Variants in DNAH1 observed in about 807,000 individuals in gnomAD.
DNAH1 encodes dynein axonemal heavy chain 1, also known as axonemal beta dynein heavy chain 1.
Under a neutral mutation model 484.3 loss-of-function variants are expected in DNAH1, and 327 were observed. The observed-to-expected ratio is 0.68, with a 90% CI of 0.62 to 0.74. The LOEUF is 0.74. DNAH1 is among the 30% of genes least tolerant of loss of function. DNAH1 has a pLI of 0.00. For missense variants in DNAH1, 5,052 were observed against 5,546.8 expected (o/e 0.91, Z 2.83); for synonymous variants, 2,192 against 2,191.9 (o/e 1.00, Z 0.00).
chr3:52,366,652 A>G, intron 35 of DNAH1, 81 bp from the exon 36 acceptor site: 1 of 1,551,810 alleles, frequency 6.4e-7, no homozygotes, highest in Non-Finnish European at 8.8e-7. Flanking sequence ...GGCATAGAAT[A>G]CCCCTCCCCC....
rs773665175 is a variant in DNAH1 at position 52,350,631 on chromosome 3, G to A, written c.2729+41G>A. On this transcript the variant is annotated intron_variant, in intron 16 of 77. Coordinates refer to ENST00000420323, the MANE Select transcript of DNAH1 (RefSeq NM_015512.5). ...GCCCCCATGCCAGGTGCGGGGTGGA[G>A]CATGAGGGGAGCTGCTGAGCTGCAG... 3.8e-6 allele frequency: 6 copies of A among 1,584,150 alleles called. No homozygotes were observed. In the African/African-American group the frequency reaches 8.1e-5, roughly 21 times the overall value.
At position 52,394,503 on chromosome 3, in the gene DNAH1, G is replaced by A. The variant is rs762880925; in HGVS notation, c.10665G>A (p.Ser3555=). 22 of 1,613,896 alleles carry A rather than the reference G, an allele frequency of 1.4e-5. No homozygotes were observed. The African/African-American group carries it at 2.4e-4, about 18-fold the overall frequency. The change falls in exon 67 of 78, where the codon TCG becomes TCA. Residue 3555 remains serine (S), a synonymous_variant. Coordinates refer to ENST00000420323, the MANE Select transcript of DNAH1 (RefSeq NM_015512.5). ...WRYLLSGGSI[S]IMTENPAPDW... ...ACCTCCTGTCTGGGGGCTCCATCTC[G>A]ATCATGACTGAGAATCCGGCACCGG...
At chr3:52,341,190 G>A (rs1304208285) in intron 8 of DNAH1, among the ~76,000 whole-genome samples, 3 of 152,164 alleles carry the variant, frequency 2.0e-5, no homozygotes, top group Non-Finnish European at 4.4e-5. Context: ...AATGCAGGAC[G>A]CCCCAGGGTT....
In DNAH1 at chr3:52,358,878, C is replaced by T. The variant is rs1355285067; in HGVS notation, c.4266+141C>T. The stretch of plus-strand genomic sequence containing the variant: ...GCTCAGGCGGGATTCTGGAGTCTTT[C>T]CTTTCCACACACACTCCAGAAAGTG... On this transcript the variant is annotated intron_variant, in intron 25 of 77. Transcript: ENST00000420323. This position sits in a 1 kb window ranked among gnomAD's most constrained non-coding sequence, Gnocchi z 4.2. 3 of 968,406 alleles carry T rather than the reference C, an allele frequency of 3.1e-6. No individual in the cohort carries two copies. The highest frequency in any genetic ancestry group is 4.5e-6 in the Non-Finnish European group (3 of 659,546). The allele number at this position is 968,406 out of a possible 1,614,324, so 60.0% of individuals were successfully genotyped here.
At chr3:52,359,649 C>T (rs532967761) in intron 26 of DNAH1, among the ~76,000 whole-genome samples, 1 of 152,338 alleles carries the variant, frequency 6.6e-6, no homozygotes, top group Non-Finnish European at 1.5e-5. Context: ...CACCCCTTGC[C>T]CTGTGCTCCA....
chr3:52,320,795 CTTT>C (rs1701117837), intron 1 of DNAH1, among the ~76,000 whole-genome samples: 1 of 142,048 alleles, frequency 7.0e-6, no homozygotes, highest in Admixed American at 7.0e-5. Context: ...TTCTTTCTTT[CTTT>C]CCTTTTTTTT....
chr3:52,385,405 G>A lies in DNAH1; in HGVS notation c.8583G>A (p.Glu2861=), dbSNP rs1377365805. The A allele has an allele frequency of 2.6e-6, 4 of 1,552,670 alleles. No individual in the cohort carries two copies. Among genetic ancestry groups the A allele is most frequent in the East Asian group, 2.4e-5 (1 of 40,960 alleles). The change falls in exon 54 of 78, where the codon GAG becomes GAA. Residue 2861 remains glutamate (E), a synonymous_variant. Transcript: ENST00000420323. ...EDLESMHPLL[E]EAAKDTMLTM... ...TGGAGAGTATGCACCCCCTGCTGGA[G>A]GAGGCTGCCAAGGACACCATGCTCA...
chr3:52,386,075 C>A, intron 54 of DNAH1, 85 bp from the exon 55 acceptor site: 1 of 1,436,186 alleles, frequency 7.0e-7, no homozygotes, highest in Non-Finnish European at 9.3e-7. Flanking sequence ...GAGAACAGGG[C>A]ACCCCAACTC....
In DNAH1 at chr3:52,381,864, G is replaced by A; in HGVS notation, c.7805+28G>A. The A allele has an allele frequency of 6.4e-7, 1 of 1,551,452 alleles. No homozygotes were observed. Among genetic ancestry groups the A allele is most frequent in the Non-Finnish European group, 8.7e-7 (1 of 1,146,864 alleles). On this transcript the variant is annotated intron_variant, in intron 49 of 77. Coordinates refer to ENST00000420323, the MANE Select transcript of DNAH1 (RefSeq NM_015512.5). This position sits in a 1 kb window ranked among gnomAD's most constrained non-coding sequence, Gnocchi z 4.1. The stretch of plus-strand genomic sequence containing the variant: ...GAGCGCCTCCAGGGCGTGCTGGGCA[G>A]TGGGCGGCCAGGGCTGGCTGGTCGG...
chr3:52,324,070 G>A (rs1202391610), intron 3 of DNAH1, among the ~76,000 whole-genome samples, 190 bp downstream of exon 3: 2 of 152,156 alleles, frequency 1.3e-5, no homozygotes, highest in Non-Finnish European at 2.9e-5. Context: ...CAGCTACCGA[G>A]TCATTACTCT....
Position 52,396,788 on chromosome 3 carries a change from C to G in DNAH1, c.11601C>G (p.Ile3867Met). Residue 3867 changes from isoleucine (I) to methionine (M), a missense_variant, in exon 72 of 78, where the codon ATC becomes ATG. Physicochemically the swap from Ile to Met is conservative, Grantham distance 10. This residue lies in a region of DNAH1 where 853 missense variants were observed against 899.0 expected (regional missense o/e 0.95). Coordinates refer to ENST00000420323, the MANE Select transcript of DNAH1 (RefSeq NM_015512.5). The part of the protein sequence containing the change: ...LKMFLDEYDD[I>M]PYKVLKYTAG... Reference sequence around the variant, plus strand: ...TGTTCCTGGACGAATATGATGACATCCCCTACAAGGTGGGCCTGGGGCAGA... The same window carrying G: ...TGTTCCTGGACGAATATGATGACATGCCCTACAAGGTGGGCCTGGGGCAGA... 6.2e-7 allele frequency: 1 copy of G among 1,613,480 alleles called. No homozygotes were observed. Among genetic ancestry groups the G allele is most frequent in the South Asian group, 1.1e-5 (1 of 91,054 alleles).
chr3:52,366,960 C>T, intron 36 of DNAH1, 73 bp downstream of exon 36: 1 of 1,525,010 alleles, frequency 6.6e-7, no homozygotes, highest in Non-Finnish European at 8.9e-7. Context: ...GCGGTCACCC[C>T]TCCCTCCATT....
intron 6 of DNAH1, among the ~76,000 whole-genome samples, chr3:52,330,493 GTGCAGAGGCTC>G (rs1559493286): frequency 6.6e-6 from 1 of 152,274 alleles, no homozygotes; most frequent in African/African-American, 2.4e-5. Context: ...GGCACAGGCA[GTGCAGAGGCTC>G]TGCCGTGGGA....
chr3:52,394,984 G>A lies in DNAH1; in HGVS notation c.10893G>A (p.Leu3631=). 6.2e-7 allele frequency: 1 copy of A among 1,612,846 alleles called. No homozygotes were observed. Among genetic ancestry groups the A allele is most frequent in the African/African-American group, 1.3e-5 (1 of 75,038 alleles). The change falls in exon 68 of 78, where the codon CTG becomes CTA. Residue 3631 remains leucine, a synonymous_variant. Coordinates refer to ENST00000420323, the MANE Select transcript of DNAH1 (RefSeq NM_015512.5). ...QFQKLLVLRC[L]RGDKVTNAMQ... is the part of the protein sequence containing the mutation. ...AGAAGCTGCTAGTCCTCCGCTGCCTGCGTGGGGACAAGGTTACCAACGCCA... is the reference window on the plus strand; with the variant it reads ...AGAAGCTGCTAGTCCTCCGCTGCCTACGTGGGGACAAGGTTACCAACGCCA...
chr3:52,336,424 C>T (rs1357671929), intron 8 of DNAH1, among the ~76,000 whole-genome samples: 2 of 152,004 alleles, frequency 1.3e-5, no homozygotes, highest in African/African-American at 2.4e-5. Context: ...CATGGTGGGG[C>T]GCGCCTATTG....
intron 75 of DNAH1, 101 bp downstream of exon 75, chr3:52,398,263 C>T: frequency 7.1e-7 from 1 of 1,399,664 alleles, no homozygotes; most frequent in Admixed American, 2.6e-5. Context: ...CCAAGTGCTA[C>T]ACATCCTCTA....
intron 53 of DNAH1, 89 bp from the exon 54 acceptor site, chr3:52,385,248 T>G: frequency 1.5e-6 from 2 of 1,346,294 alleles, no homozygotes; most frequent in Non-Finnish European, 2.1e-6. Context: ...GGCCACAGCT[T>G]CTCTCTCATG....
chr3:52,332,543 C>T, intron 8 of DNAH1, 149 bp downstream of exon 8: 1 of 1,197,106 alleles, frequency 8.4e-7, no homozygotes, highest in South Asian at 1.6e-5. Context: ...CTTGTTGGGG[C>T]CTCAAACAAT....
rs954113946 is a variant in DNAH1 at position 52,358,798 on chromosome 3, C to T, written c.4266+61C>T. 15 of 1,589,670 alleles carry T rather than the reference C, an allele frequency of 9.4e-6. No homozygotes were observed. In the Admixed American group the frequency reaches 1.4e-4, roughly 15 times the overall value. On this transcript the variant is annotated intron_variant, in intron 25 of 77. Transcript: ENST00000420323. The surrounding 1 kb of genome is among the most constrained non-coding windows in gnomAD (Gnocchi z 4.2). ...TGCACCCCTCTGCTCCCTCTCAGTG[C>T]CCCTCCTGCTCTAGCCGGCCTCGTC...
Sources: allele counts gnomAD v4.1 joint callset (sites outside exome capture counted in the v4.1 genomes callset), GRCh38; gene constraint gnomAD v4.1.1; regional missense constraint gnomAD v4.1.1; non-coding constraint Gnocchi (gnomAD v3.1); transcripts MANE v1.5; gene names NCBI Gene and HGNC (gene_info 2026-07-23, HGNC 2026-07-21).